MDGA2: variants seen among roughly 807,000 people sequenced by gnomAD.
MDGA2 encodes MAM domain-containing glycosylphosphatidylinositol anchor protein 2.
Under a neutral mutation model 117.8 loss-of-function variants are expected in MDGA2, and 40 were observed. The ratio of observed to expected loss-of-function variants is 0.34; its 90% CI spans 0.26 to 0.44. The LOEUF (loss-of-function observed/expected upper bound fraction) is 0.44. MDGA2 is among the 20% of genes least tolerant of loss of function. The pLI is 1.00. For missense variants in MDGA2, 1,123 were observed against 1,250.6 expected (o/e 0.90, Z 1.54); for synonymous variants, 452 against 439.0 (o/e 1.03, Z -0.37).
intron 1 of MDGA2, among the ~76,000 whole-genome samples, chr14:47,525,349 A>T (rs1254093448): frequency 1.3e-5 from 2 of 152,070 alleles, no homozygotes; most frequent in Non-Finnish European, 1.5e-5. Flanking sequence ...CTACTTTTTC[A>T]GTCACTTTCT....
chr14:47,566,656 A>G (rs993249167), intron 1 of MDGA2, among the ~76,000 whole-genome samples: 9 of 152,118 alleles, frequency 5.9e-5, no homozygotes, highest in Non-Finnish European at 1.0e-4. Context: ...GTGCATGAGC[A>G]GGTTGCACCA....
At chr14:47,222,343 CAG>C (rs1479551112) in intron 2 of MDGA2, among the ~76,000 whole-genome samples, 1 of 151,788 alleles carries the variant, frequency 6.6e-6, no homozygotes, top group Non-Finnish European at 1.5e-5. Context: ...TAAAAACTAA[CAG>C]GGAGAGAAAG....
chr14:47,543,263 T>C (rs1195054746), intron 1 of MDGA2, among the ~76,000 whole-genome samples: 2 of 152,090 alleles, frequency 1.3e-5, no homozygotes, highest in Admixed American at 1.3e-4. Flanking sequence ...TTTTAGGTTA[T>C]AGAGTAATGC....
chr14:47,049,640 T>C (rs970785805), intron 7 of MDGA2, among the ~76,000 whole-genome samples: 2 of 152,052 alleles, frequency 1.3e-5, no homozygotes, highest in African/African-American at 4.8e-5. Context: ...GGAATGATCC[T>C]GTCACACAGT....
intron 1 of MDGA2, among the ~76,000 whole-genome samples, chr14:47,659,727 GAGAA>G (rs944944305): frequency 2.0e-5 from 3 of 152,190 alleles, no homozygotes; most frequent in African/African-American, 7.2e-5. Flanking sequence ...ATTGGAAGCA[GAGAA>G]AGACTTTAAA....
At chr14:47,352,566 T>C (rs1890907673) in intron 1 of MDGA2, among the ~76,000 whole-genome samples, 1 of 152,242 alleles carries the variant, frequency 6.6e-6, no homozygotes, top group Non-Finnish European at 1.5e-5. Flanking sequence ...CTGACAGTTC[T>C]TACATTTAGT....
chr14:46,938,559 A>G (rs1462873366), intron 9 of MDGA2, among the ~76,000 whole-genome samples: 2 of 148,940 alleles, frequency 1.3e-5, no homozygotes, highest in Admixed American at 6.8e-5. Context: ...AAAAAAAAAA[A>G]AGAGACATCA....
intron 8 of MDGA2, among the ~76,000 whole-genome samples, chr14:47,002,739 T>A (rs922605965): frequency 1.3e-4 from 19 of 151,798 alleles, no homozygotes; most frequent in Non-Finnish European, 2.4e-4. Flanking sequence ...AAAAAAAAAA[T>A]TTAATTTATT....
intron 2 of MDGA2, among the ~76,000 whole-genome samples, chr14:47,262,223 A>G (rs1435760612): frequency 6.6e-6 from 1 of 152,174 alleles, no homozygotes; most frequent in Non-Finnish European, 1.5e-5. Context: ...CATATTGTTC[A>G]CTAATATATG....
chr14:46,894,893 A>G (rs912004867), intron 10 of MDGA2, among the ~76,000 whole-genome samples: 1 of 152,098 alleles, frequency 6.6e-6, no homozygotes, highest in African/African-American at 2.4e-5. Context: ...CATTCTAATT[A>G]TTTTCTTGTC....
chr14:47,100,429 G>A (rs1353026262), intron 5 of MDGA2, among the ~76,000 whole-genome samples: 1 of 152,102 alleles, frequency 6.6e-6, no homozygotes, highest in Non-Finnish European at 1.5e-5. Context: ...TCTACAGCAT[G>A]TGTTAATTGA....
At chr14:47,550,966 A>G (rs1185441440) in intron 1 of MDGA2, among the ~76,000 whole-genome samples, 4 of 152,196 alleles carry the variant, frequency 2.6e-5, no homozygotes, top group African/African-American at 9.6e-5. Context: ...ATTGATCTCT[A>G]TGGAACATGT....
chr14:47,604,456 A>G (rs1193351379), intron 1 of MDGA2, among the ~76,000 whole-genome samples: 1 of 150,570 alleles, frequency 6.6e-6, no homozygotes, highest in Non-Finnish European at 1.5e-5. Flanking sequence ...AGCTGGAACT[A>G]TAGGCGTGTT....
chr14:47,049,037 A>G (rs11157536), intron 7 of MDGA2, among the ~76,000 whole-genome samples: 62,510 of 151,870 alleles, frequency 0.41, 14,047 homozygotes, highest in East Asian at 0.56. Context: ...ATGGTTTTAC[A>G]TTGCATTTTA....
At chr14:46,875,757 G>C (rs553695221) in intron 12 of MDGA2, among the ~76,000 whole-genome samples, 1 of 151,484 alleles carries the variant, frequency 6.6e-6, no homozygotes, top group Non-Finnish European at 1.5e-5. Flanking sequence ...GTTTGATTTT[G>C]AATGTTTTCA....
intron 8 of MDGA2, among the ~76,000 whole-genome samples, chr14:47,026,851 G>A (rs1285000053): frequency 6.6e-6 from 1 of 152,038 alleles, no homozygotes; most frequent in Non-Finnish European, 1.5e-5. Flanking sequence ...AAGCCCCCAG[G>A]AACAGAGGCA....
At chr14:47,397,009 C>G (rs762832449) in intron 1 of MDGA2, among the ~76,000 whole-genome samples, 1 of 152,112 alleles carries the variant, frequency 6.6e-6, no homozygotes, top group Non-Finnish European at 1.5e-5. Flanking sequence ...ATAAATCATT[C>G]TACTATAAAG....
At chr14:47,605,616 G>C (rs954279753) in intron 1 of MDGA2, among the ~76,000 whole-genome samples, 11 of 151,710 alleles carry the variant, frequency 7.3e-5, no homozygotes, top group Non-Finnish European at 1.2e-4. Flanking sequence ...TTCCCATAGT[G>C]TTATAGATAA....
chr14:47,166,832 A>T (rs1883899991), intron 3 of MDGA2, among the ~76,000 whole-genome samples: 1 of 152,184 alleles, frequency 6.6e-6, no homozygotes, highest in African/African-American at 2.4e-5. Context: ...AGCATAACCA[A>T]CTTTGTACCT....
Sources: gnomAD v4.1 joint callset for allele counts (sites outside exome capture counted in the v4.1 genomes callset) on GRCh38, gnomAD v4.1.1 for gene constraint, MANE v1.5 for transcripts, NCBI Gene and HGNC (gene_info 2026-07-23, HGNC 2026-07-21) for gene names.